ADAM32: variants seen among roughly 807,000 people sequenced by gnomAD.
The protein encoded by ADAM32 is ADAM metallopeptidase domain 32, also known as disintegrin and metalloproteinase domain-containing protein 32.
Under a neutral mutation model 114.9 loss-of-function variants are expected in ADAM32, and 89 were observed. The observed-to-expected ratio is 0.77, with a 90% CI of 0.65 to 0.92. The LOEUF is 0.92. Among genes scored for constraint, ADAM32 ranks in the 40% least tolerant of loss-of-function variants. ADAM32 has a pLI of 0.00. For synonymous variants in ADAM32, 285 were observed against 307.5 expected (o/e 0.93, Z 0.77); for missense variants, 870 against 932.8 (o/e 0.93, Z 0.88).
chr8:39,117,724 TTTTAG>T (rs1339475637), intron 1 of ADAM32, among the ~76,000 whole-genome samples: 1 of 152,128 alleles, frequency 6.6e-6, no homozygotes, highest in Non-Finnish European at 1.5e-5. Flanking sequence ...GTAGAATATG[TTTTAG>T]TTTAAAGTAA....
At chr8:39,279,577 C>T (rs1040644972) in intron 22 of ADAM32, among the ~76,000 whole-genome samples, 10 of 152,150 alleles carry the variant, frequency 6.6e-5, no homozygotes, top group South Asian at 2.1e-4. Flanking sequence ...CCACCATGCC[C>T]GGACTAGCAT....
intron 11 of ADAM32, among the ~76,000 whole-genome samples, chr8:39,206,050 C>A (rs1325659702): frequency 6.6e-6 from 1 of 152,114 alleles, no homozygotes; most frequent in Non-Finnish European, 1.5e-5. Context: ...ATACTTTTCC[C>A]TGTAGATGTA....
chr8:39,208,637 AT>A (rs770072794), intron 11 of ADAM32, among the ~76,000 whole-genome samples: 1 of 152,078 alleles, frequency 6.6e-6, no homozygotes, highest in Non-Finnish European at 1.5e-5. Context: ...TCACTTCTTC[AT>A]TTTTAAGGAT....
chr8:39,207,538 T>C lies in ADAM32; in HGVS notation c.1053-3606T>C, dbSNP rs570075210. Among the ~76,000 whole-genome samples, 4 of 152,328 alleles carry C rather than the reference T, an allele frequency of 2.6e-5. No homozygotes were observed. The East Asian group carries it at 7.7e-4, about 29-fold the overall frequency. On this transcript the variant is annotated intron_variant, in intron 11 of 24. Coordinates refer to ENST00000379907, the MANE Select transcript of ADAM32 (RefSeq NM_145004.7). Reference sequence around the variant, plus strand: ...TTCCCATATCCATCACTATAAACATTTATCATTTCAGCATGACAATAACAT... The same window carrying C: ...TTCCCATATCCATCACTATAAACATCTATCATTTCAGCATGACAATAACAT...
chr8:39,253,057 C>T (rs559519356), intron 17 of ADAM32, among the ~76,000 whole-genome samples: 16 of 151,696 alleles, frequency 1.1e-4, no homozygotes, highest in Middle Eastern at 3.4e-3. Flanking sequence ...TACAGCAAGA[C>T]ATTAACAAAC....
intron 11 of ADAM32, among the ~76,000 whole-genome samples, chr8:39,195,398 T>C (rs1242264198): frequency 1.3e-5 from 2 of 152,244 alleles, no homozygotes; most frequent in Non-Finnish European, 1.5e-5. Flanking sequence ...CTTCATTCCA[T>C]TGATTGTTTC....
chr8:39,196,883 C>T (rs1173411270), intron 11 of ADAM32, among the ~76,000 whole-genome samples: 1 of 151,754 alleles, frequency 6.6e-6, no homozygotes, highest in African/African-American at 2.4e-5. Flanking sequence ...ATTTCCTTTT[C>T]TTTGATGTTT....
chr8:39,204,790 G>A (rs568014254), intron 11 of ADAM32, among the ~76,000 whole-genome samples: 5 of 152,302 alleles, frequency 3.3e-5, no homozygotes, highest in South Asian at 2.1e-4. Flanking sequence ...TAATGGTGAC[G>A]TACAGATGGG....
intron 2 of ADAM32, among the ~76,000 whole-genome samples, chr8:39,124,725 A>G (rs1393924471): frequency 6.6e-6 from 1 of 151,320 alleles, no homozygotes; most frequent in African/African-American, 2.4e-5. Context: ...AATATACTAC[A>G]TTTTCTTTAT....
chr8:39,184,972 T>A (rs7843696), intron 10 of ADAM32, among the ~76,000 whole-genome samples: 1 of 152,094 alleles, frequency 6.6e-6, no homozygotes, highest in Non-Finnish European at 1.5e-5. Context: ...GGTCCCAATG[T>A]TCCTGTTGGG....
At chr8:39,279,934 G>T (rs1454263797) in intron 22 of ADAM32, among the ~76,000 whole-genome samples, 1 of 152,158 alleles carries the variant, frequency 6.6e-6, no homozygotes, top group Non-Finnish European at 1.5e-5. Flanking sequence ...GGGCATGAAT[G>T]TTGTAATGTT....
At chr8:39,120,636 C>T (rs1240851287) in intron 2 of ADAM32, among the ~76,000 whole-genome samples, 1 of 151,764 alleles carries the variant, frequency 6.6e-6, no homozygotes, top group Non-Finnish European at 1.5e-5. Context: ...GTGGCAGGCA[C>T]CTGTAGTCCC....
intron 2 of ADAM32, among the ~76,000 whole-genome samples, chr8:39,131,441 A>C (rs774759486): frequency 2.0e-4 from 31 of 152,168 alleles, no homozygotes; most frequent in Non-Finnish European, 2.5e-4. Flanking sequence ...CAGTGAGCTG[A>C]GATTGTGCCA....
chr8:39,226,278 A>G (rs528172201), intron 14 of ADAM32, among the ~76,000 whole-genome samples: 2 of 152,270 alleles, frequency 1.3e-5, no homozygotes, highest in African/African-American at 2.4e-5. Flanking sequence ...CATTCTCATT[A>G]TAAGAGGTAA....
chr8:39,211,868 T>G (rs1253834851), intron 12 of ADAM32, among the ~76,000 whole-genome samples: 2 of 152,210 alleles, frequency 1.3e-5, no homozygotes, highest in African/African-American at 2.4e-5. Flanking sequence ...TTTCCTTGGT[T>G]ACAAGGTAGA....
At chr8:39,272,242 C>T (rs528041029) in intron 20 of ADAM32, among the ~76,000 whole-genome samples, 39 of 151,942 alleles carry the variant, frequency 2.6e-4, no homozygotes, top group Non-Finnish European at 5.1e-4. Context: ...CTCCTCAACC[C>T]ATAATTATTG....
At chr8:39,248,150 C>A (rs954938131) in intron 17 of ADAM32, among the ~76,000 whole-genome samples, 3 of 152,090 alleles carry the variant, frequency 2.0e-5, no homozygotes, top group Non-Finnish European at 4.4e-5. Flanking sequence ...CTTTTTCTTT[C>A]AATGGTAACT....
intron 6 of ADAM32, among the ~76,000 whole-genome samples, chr8:39,156,771 CT>C (rs1199396980): frequency 2.0e-5 from 3 of 152,116 alleles, no homozygotes; most frequent in Admixed American, 2.0e-4. Context: ...CAAGGTCTTC[CT>C]TCTGTGTTTG....
chr8:39,165,909 G>A (rs1804802546), intron 9 of ADAM32: 1 of 151,908 alleles, frequency 6.6e-6, no homozygotes, highest in Non-Finnish European at 1.5e-5. Flanking sequence ...TTTTTCTGAT[G>A]ACTGGTGGAT....
Sources: allele counts gnomAD v4.1 joint callset (sites outside exome capture counted in the v4.1 genomes callset), GRCh38; gene constraint gnomAD v4.1.1; transcripts MANE v1.5; gene names NCBI Gene and HGNC (gene_info 2026-07-23, HGNC 2026-07-21).